The following FAM221A variants were observed in gnomAD, a reference collection of about 807,000 sequenced individuals.
The protein encoded by FAM221A is family with sequence similarity 221 member A.
A neutral mutation model predicts 37.6 loss-of-function variants in FAM221A; 43 were observed. That is an observed-to-expected ratio of 1.15 (90% CI 0.90 to 1.48). The LOEUF is 1.48. Among genes scored for constraint, FAM221A ranks in the 40% most tolerant of loss-of-function variants. FAM221A has a pLI of 0.00. For missense variants in FAM221A, 361 were observed against 361.5 expected (o/e 1.00, Z 0.01); for synonymous variants, 135 against 132.9 (o/e 1.02, Z -0.11).
intron 4 of FAM221A, 131 bp from the exon 5 acceptor site, chr7:23,698,060 TA>T: frequency 3.3e-6 from 2 of 603,612 alleles, no homozygotes; most frequent in Non-Finnish European, 5.7e-6. Flanking sequence ...ACACCCAGTC[TA>T]AAATTTTTTT....
chr7:23,690,877 G>C (rs1437178884), intron 3 of FAM221A, among the ~76,000 whole-genome samples: 1 of 152,156 alleles, frequency 6.6e-6, no homozygotes, highest in Non-Finnish European at 1.5e-5. Context: ...AGAATATGTG[G>C]TCTTTTGTGA....
rs867092345 is a variant in FAM221A at position 23,680,617 on chromosome 7, A to G, written c.65+334A>G. The stretch of plus-strand genomic sequence containing the variant: ...AGGCACATCGAGTACTCGGGGCTAT[A>G]GAAGTTAGCATACATCAAATTAACC... On this transcript the variant is annotated intron_variant, in intron 1 of 6. Transcript: ENST00000344962. 1.9e-4 allele frequency: 55 copies of G among 295,872 alleles called. No individual in the cohort carries two copies. The Middle Eastern group carries it at 7.0e-3, about 38-fold the overall frequency. The allele number at this position is 295,872 out of a possible 1,614,324, so 18.3% of individuals were successfully genotyped here.
chr7:23,688,551 T>C (rs1784503947), intron 2 of FAM221A: 1 of 152,142 alleles, frequency 6.6e-6, no homozygotes, highest in Admixed American at 6.5e-5. Flanking sequence ...GTTTATTGAA[T>C]ATATTTCTAT....
At chr7:23,695,323 T>TA (rs1784987260) in intron 4 of FAM221A, among the ~76,000 whole-genome samples, 1 of 152,184 alleles carries the variant, frequency 6.6e-6, no homozygotes, top group South Asian at 2.1e-4. Flanking sequence ...TCTGTGCAAC[T>TA]AAGTGGAATT....
chr7:23,702,439 C>T lies in FAM221A; in HGVS notation c.*275C>T, dbSNP rs1297768881. Reference sequence around the variant, plus strand: ...GAGAGTACAGTAAATGTTTTTAGTACATAATAATTTAACTGTTTCAGGTAT... The same window carrying T: ...GAGAGTACAGTAAATGTTTTTAGTATATAATAATTTAACTGTTTCAGGTAT... On this transcript the variant is annotated 3_prime_UTR_variant, in exon 7 of 7. Coordinates refer to ENST00000344962, the MANE Select transcript of FAM221A (RefSeq NM_199136.5). 2 of 206,774 alleles carry T rather than the reference C, an allele frequency of 9.7e-6. No homozygotes were observed. The highest frequency in any genetic ancestry group is 1.9e-5 in the Non-Finnish European group (2 of 103,550). The allele number at this position is 206,774 out of a possible 1,614,324, so 12.8% of individuals were successfully genotyped here.
At chr7:23,692,254 G>A (rs944762356) in intron 4 of FAM221A, 5 of 859,398 alleles carry the variant, frequency 5.8e-6, no homozygotes, top group Admixed American at 7.0e-5. Flanking sequence ...TGAAACACAG[G>A]TGTGTAAGTT....
At chr7:23,683,994 G>C (rs187066023) in intron 1 of FAM221A, among the ~76,000 whole-genome samples, 235 of 152,298 alleles carry the variant, frequency 1.5e-3, no homozygotes, top group Non-Finnish European at 2.4e-3. Context: ...GAGTCCTGAA[G>C]ACCTTCCTCT....
intron 1 of FAM221A, among the ~76,000 whole-genome samples, chr7:23,683,623 C>G (rs1231546864): frequency 6.6e-6 from 1 of 152,146 alleles, no homozygotes; most frequent in Non-Finnish European, 1.5e-5. Flanking sequence ...GTTGATAAAC[C>G]TGGATCAGTA....
chr7:23,693,857 G>T (rs923059454), intron 4 of FAM221A: 6 of 152,096 alleles, frequency 3.9e-5, no homozygotes, highest in African/African-American at 1.4e-4. Flanking sequence ...TAAGTTCTGG[G>T]ATACATGTGC....
At chr7:23,695,072 C>T (rs374263460) in intron 4 of FAM221A, among the ~76,000 whole-genome samples, 2 of 152,166 alleles carry the variant, frequency 1.3e-5, no homozygotes, top group Admixed American at 6.5e-5. Flanking sequence ...TGGGCTTAAG[C>T]AGTCCTCCCA....
intron 2 of FAM221A, 35 bp from the exon 3 acceptor site, chr7:23,689,234 T>C (rs1242858829): frequency 7.2e-7 from 1 of 1,383,058 alleles, no homozygotes; most frequent in African/African-American, 1.4e-5. Flanking sequence ...ATACCTGTAT[T>C]GTGTTTATAT....
Position 23,691,537 on chromosome 7 carries a change from G to C in FAM221A, c.578G>C (p.Gly193Ala), listed in dbSNP as rs200212919. Residue 193 changes from glycine to alanine, a missense_variant, in exon 4 of 7, where the codon GGA (glycine) becomes GCA (alanine). Gly to Ala is a moderately conservative substitution (Grantham distance 60). Transcript: ENST00000344962. ...GACATTCCTTATGCAGCCATGGGAGGATTAACTGGTTTCAGCTCGCTGGCG... is the reference window on the plus strand; with the variant it reads ...GACATTCCTTATGCAGCCATGGGAGCATTAACTGGTTTCAGCTCGCTGGCG... ...GQDIPYAAMG[G>A]LTGFSSLAEG... is the part of the protein sequence containing the mutation. 1.4e-4 allele frequency: 228 copies of C among 1,614,180 alleles called. 1 individual carries two copies. The highest frequency in any genetic ancestry group is 5.3e-5 in the Non-Finnish European group (62 of 1,180,024).
intron 1 of FAM221A, among the ~76,000 whole-genome samples, chr7:23,682,009 G>C (rs1784069898): frequency 6.6e-6 from 1 of 152,146 alleles, no homozygotes; most frequent in South Asian, 2.1e-4. Context: ...GCCCTGACCA[G>C]TGTCCTGGCA....
chr7:23,681,586 T>G (rs1352900970), intron 1 of FAM221A, among the ~76,000 whole-genome samples: 1 of 152,134 alleles, frequency 6.6e-6, no homozygotes, highest in African/African-American at 2.4e-5. Context: ...TTTTGTATTT[T>G]CTGTAGAGAC....
downstream of FAM221A, chr7:23,703,046 G>A (rs1232290676): frequency 2.6e-5 from 4 of 152,166 alleles, no homozygotes; most frequent in Admixed American, 1.3e-4. Flanking sequence ...ATACATAAGT[G>A]CTCTCCCGTC....
chr7:23,700,920 C>T (rs1308763797), intron 6 of FAM221A, 52 bp downstream of exon 6: 2 of 1,140,582 alleles, frequency 1.8e-6, no homozygotes, highest in South Asian at 2.7e-5. Flanking sequence ...GTAGCAAAAG[C>T]ACTAGAATGA....
chr7:23,699,596 A>G (rs1182521129), intron 5 of FAM221A, among the ~76,000 whole-genome samples: 1 of 122,438 alleles, frequency 8.2e-6, no homozygotes, highest in Non-Finnish European at 1.6e-5. Context: ...AGGCTGGAGT[A>G]TAGTGGTGTG....
intron 6 of FAM221A, 47 bp downstream of exon 6, chr7:23,700,915 A>T (rs779411183): frequency 8.4e-6 from 10 of 1,186,452 alleles, no homozygotes; most frequent in Middle Eastern, 1.9e-4. Flanking sequence ...TACTTGTAGC[A>T]AAAGCACTAG....
In FAM221A at chr7:23,696,375, T is replaced by C. The variant is rs577202392; in HGVS notation, c.638-1817T>C. Among the ~76,000 whole-genome samples, 8 of 152,236 alleles carry C rather than the reference T, an allele frequency of 5.3e-5. No homozygotes were observed. In the South Asian group the frequency reaches 1.5e-3, roughly 28 times the overall value. On this transcript the variant is annotated intron_variant, in intron 4 of 6. Transcript: ENST00000344962. ...GAGTTTGAGACCAGCCTAGGCAACA[T>C]GGCGAAACCCTGTCTCTACAAAAAT...
Sources: allele counts gnomAD v4.1 joint callset (sites outside exome capture counted in the v4.1 genomes callset), GRCh38; gene constraint gnomAD v4.1.1; transcripts MANE v1.5; gene names NCBI Gene and HGNC (gene_info 2026-07-23, HGNC 2026-07-21).